The following F8 variants were observed in gnomAD, a reference collection of about 807,000 sequenced individuals.
F8 encodes the protein antihemophilic factor.
A neutral mutation model predicts 140.6 loss-of-function variants in F8; 12 were observed. That is an observed-to-expected ratio of 0.09 (90% CI 0.05 to 0.14). The LOEUF (loss-of-function observed/expected upper bound fraction) is 0.14. F8 is among the 10% of genes least tolerant of loss of function. F8 has a pLI of 1.00. For synonymous variants in F8, 585 were observed against 614.6 expected (o/e 0.95, Z 0.71); for missense variants, 1,354 against 1,720.7 (o/e 0.79, Z 3.77).
chrX:154,897,478 A>G (rs2072988225), intron 21 of F8: 1 of 112,463 alleles, frequency 8.9e-6, no homozygotes, highest in Non-Finnish European at 1.9e-5. Flanking sequence ...TAGACCTTAT[A>G]TCATATATGT....
rs2073424381 is a variant in F8, at chrX:154,966,445, C to T, written c.1252G>A (p.Val418Ile). The change falls in exon 8 of 26, where the codon GTC becomes ATC. Residue 418 changes from valine to isoleucine, a missense_variant. Transcript: ENST00000360256. The stretch of plus-strand genomic sequence containing the variant: ...GCTTACCTGTCATCGGGGGCGAGGA[C>T]TAAGGGAGCATAGTCCCAGTCCTCC... ...EEEDWDYAPL[V>I]LAPDDRSYKS... 1.1e-5 allele frequency: 13 copies of T among 1,211,333 alleles called. No individual in the cohort carries two copies. The highest frequency in any genetic ancestry group is 1.5e-5 in the Non-Finnish European group (13 of 895,382).
In F8 at chrX:154,929,541, A is replaced by G. The variant is rs782411281; in HGVS notation, c.4249T>C (p.Ser1417Pro). The G allele has an allele frequency of 1.1e-5, 13 of 1,210,595 alleles. 1 individual carries two copies. In the South Asian group the frequency reaches 1.9e-4, roughly 18 times the overall value. The change falls in exon 14 of 26, where the codon TCT (serine) becomes CCT (proline). Residue 1417 changes from serine (S) to proline (P), a missense_variant. Ser to Pro is a moderately conservative substitution (Grantham distance 74). Transcript: ENST00000360256. ...LPIAKVSSFP[S>P]IRPIYLTRVL... Reference sequence around the variant, plus strand: ...CTGGTCAGATATATAGGTCTAATAGATGGAAATGATGATACCTTTGCAATG... The same window carrying G: ...CTGGTCAGATATATAGGTCTAATAGGTGGAAATGATGATACCTTTGCAATG...
rs142892890 is a variant in F8, at chrX:154,892,518, G to A, written c.6429+3559C>T. 4.2e-4 allele frequency among the ~76,000 whole-genome samples: 47 copies of A among 112,014 alleles called. No individual in the cohort carries two copies. The East Asian group carries it at 0.012, about 28-fold the overall frequency. On this transcript the variant is annotated intron_variant, in intron 22 of 25. Transcript: ENST00000360256. ...AACACATGTCATGGATTCCCTAACT[G>A]CTCATTTTCTTCCTTGGCAAATATG...
At chrX:154,914,106 C>A (rs1322785880) in intron 14 of F8, among the ~76,000 whole-genome samples, 1 of 113,030 alleles carries the variant, frequency 8.8e-6, no homozygotes, top group African/African-American at 3.2e-5. Context: ...CTTCTGTGCA[C>A]CCACAGAACA....
chrX:154,914,336 A>G (rs902539648), intron 14 of F8, among the ~76,000 whole-genome samples: 2 of 112,518 alleles, frequency 1.8e-5, no homozygotes, highest in African/African-American at 6.5e-5. Flanking sequence ...CATTTTCCCC[A>G]TTATCTTGGT....
At position 154,931,365 on chromosome X, in the gene F8, A is replaced by G; in HGVS notation, c.2425T>C (p.Leu809=). 8.3e-7 allele frequency: 1 copy of G among 1,211,233 alleles called. No individual in the cohort carries two copies. Residue 809 remains leucine (L), a synonymous_variant, in exon 14 of 26, where the codon TTG becomes CTG. Coordinates refer to ENST00000360256, the MANE Select transcript of F8 (RefSeq NM_000132.4). ...GGACTCTGTCGCAAGAGCATCAACAAATCACTAGAGGAGACATTTTGTATT... is the reference window on the plus strand; with the variant it reads ...GGACTCTGTCGCAAGAGCATCAACAGATCACTAGAGGAGACATTTTGTATT... ...PKIQNVSSSD[L]LMLLRQSPTP...
chrX:154,999,866 C>T lies in F8; in HGVS notation c.144-266G>A, dbSNP rs183008597. 3.8e-3 allele frequency among the ~76,000 whole-genome samples: 429 copies of T among 112,585 alleles called. 6 individuals carry two copies. Among genetic ancestry groups the T allele is most frequent in the Middle Eastern group, 0.028 (6 of 216 alleles). On this transcript the variant is annotated intron_variant, in intron 1 of 25. Coordinates refer to ENST00000360256, the MANE Select transcript of F8 (RefSeq NM_000132.4). ...CCAAAGCAATAGCTACTGCATCCTT[C>T]AATTTCATCTCTAAAACAGACTATA... is the stretch of plus-strand genomic sequence containing the variant.
At chrX:154,979,117 G>A (rs782527899) in intron 6 of F8, among the ~76,000 whole-genome samples, 2 of 111,892 alleles carry the variant, frequency 1.8e-5, no homozygotes, top group Non-Finnish European at 3.8e-5. Flanking sequence ...ACATGGGTGG[G>A]TGGGTTCTCA....
intron 13 of F8, among the ~76,000 whole-genome samples, chrX:154,944,961 T>C (rs782471322): frequency 9.1e-6 from 1 of 110,084 alleles, no homozygotes; most frequent in South Asian, 3.9e-4. Flanking sequence ...TAGGTGGGAA[T>C]TGAACAATGA....
At chrX:154,849,893 T>G (rs1172520904) in intron 25 of F8, among the ~76,000 whole-genome samples, 1 of 111,472 alleles carries the variant, frequency 9.0e-6, no homozygotes, top group Non-Finnish European at 1.9e-5. Context: ...AGGTTTAATA[T>G]TAACATCTTT....
chrX:154,926,643 T>G (rs905159397), intron 14 of F8, among the ~76,000 whole-genome samples: 6 of 111,871 alleles, frequency 5.4e-5, no homozygotes, highest in Non-Finnish European at 1.1e-4. Context: ...CCCCAAGTGC[T>G]GGGGTTACAG....
chrX:154,950,948 A>G (rs1255863446), intron 12 of F8, among the ~76,000 whole-genome samples: 3 of 112,235 alleles, frequency 2.7e-5, no homozygotes, highest in Non-Finnish European at 5.6e-5. Context: ...TAATCTGACT[A>G]GAGATCTTTG....
chrX:154,953,398 T>C (rs1279540117), intron 12 of F8, among the ~76,000 whole-genome samples: 1 of 111,823 alleles, frequency 8.9e-6, no homozygotes, highest in African/African-American at 3.3e-5. Context: ...GAGAAAGCCA[T>C]CTACAAGACA....
rs137852469 is a variant in F8, at chrX:154,860,588, C to A, written c.6744G>T (p.Trp2248Cys). The A allele has an allele frequency of 8.3e-7, 1 of 1,211,659 alleles. No homozygotes were observed. The highest frequency in any genetic ancestry group is 1.1e-6 in the Non-Finnish European group (1 of 895,338). Residue 2248 changes from tryptophan (W) to cysteine (C), a missense_variant, in exon 25 of 26, where the codon TGG (tryptophan) becomes TGT (cysteine). Physicochemically the swap from Trp to Cys is radical, Grantham distance 215 (BLOSUM62 -2). This residue lies in a region of F8 where 316 missense variants were observed against 485.4 expected (regional missense o/e 0.65). Transcript: ENST00000360256. Reference sequence around the variant, plus strand: ...TTGTCTTCTGGAAGTCCACTTGCAGCCACTCTTTTGGATTATTCACCTGAG... The same window carrying A: ...TTGTCTTCTGGAAGTCCACTTGCAGACACTCTTTTGGATTATTCACCTGAG... ...WRPQVNNPKE[W>C]LQVDFQKTMK...
At chrX:154,944,174 CTAAT>C (rs1408422690) in intron 13 of F8, among the ~76,000 whole-genome samples, 2 of 110,907 alleles carry the variant, frequency 1.8e-5, no homozygotes, top group African/African-American at 6.6e-5. Context: ...CAAATGGGAA[CTAAT>C]TAAACTAAAG....
intron 22 of F8, among the ~76,000 whole-genome samples, chrX:154,876,814 C>A (rs1246418975): frequency 4.5e-5 from 5 of 111,259 alleles, no homozygotes; most frequent in Non-Finnish European, 9.4e-5. Flanking sequence ...GTCTAGCTAC[C>A]TCCTGCGTAA....
At chrX:154,982,086 G>C (rs1173410545) in intron 6 of F8, among the ~76,000 whole-genome samples, 2 of 109,797 alleles carry the variant, frequency 1.8e-5, no homozygotes, top group Non-Finnish European at 3.8e-5. Context: ...TGGGAGGCTG[G>C]GGCAGGAGAA....
intron 6 of F8, among the ~76,000 whole-genome samples, chrX:154,971,694 C>T (rs782312296): frequency 9.0e-6 from 1 of 111,453 alleles, no homozygotes; most frequent in East Asian, 2.8e-4. Flanking sequence ...CCCACTTCCC[C>T]CTTATCTTCC....
At chrX:154,944,921 A>C (rs1297246002) in intron 13 of F8, among the ~76,000 whole-genome samples, 1 of 110,935 alleles carries the variant, frequency 9.0e-6, no homozygotes, top group Non-Finnish European at 1.9e-5. Context: ...TCGCAAGAAC[A>C]AAAAACCAAA....
Sources: gnomAD v4.1 joint callset for allele counts (sites outside exome capture counted in the v4.1 genomes callset) on GRCh38, gnomAD v4.1.1 for gene constraint, gnomAD v4.1.1 regional missense constraint, MANE v1.5 for transcripts, NCBI Gene and HGNC (gene_info 2026-07-23, HGNC 2026-07-21) for gene names.